The following BRIX1 variants were observed in gnomAD, a reference collection of about 807,000 sequenced individuals.
The protein encoded by BRIX1 is biogenesis of ribosomes BRX1.
A neutral mutation model predicts 44.0 loss-of-function variants in BRIX1; 15 were observed. The ratio of observed to expected loss-of-function variants is 0.34; its 90% CI spans 0.23 to 0.53. BRIX1 has a LOEUF of 0.53. BRIX1 is among the 20% of genes least tolerant of loss of function. The probability of loss-of-function intolerance (pLI) is 0.95; values close to 1 mark genes in which losing one functional copy is unlikely to be tolerated. For synonymous variants in BRIX1, 149 were observed against 135.4 expected, an observed-to-expected ratio of 1.10 and a Z score of -0.70; for missense variants, 420 against 432.8, an observed-to-expected ratio of 0.97 and a Z score of 0.26.
At chr5:34,915,955 G>C in intron 1 of BRIX1, 58 bp downstream of exon 1, 1 of 1,477,908 alleles carries the variant, frequency 6.8e-7, no homozygotes, top group Non-Finnish European at 9.0e-7. Flanking sequence ...GCCTTTTCTT[G>C]GGTTACTTAC....
chr5:34,916,478 T>C (rs1227425936), intron 1 of BRIX1: 1 of 152,168 alleles, frequency 6.6e-6, no homozygotes, highest in African/African-American at 2.4e-5. Flanking sequence ...TAGGCTTCCT[T>C]TGGGTTTGAG....
chr5:34,923,304 A>T, intron 8 of BRIX1, 70 bp downstream of exon 8: 1 of 1,247,874 alleles, frequency 8.0e-7, no homozygotes, highest in Non-Finnish European at 1.2e-6. Flanking sequence ...TTTGAGACAG[A>T]GTCTCGCTCT....
intron 3 of BRIX1, chr5:34,920,867 G>GT (rs1476364000): frequency 2.0e-5 from 3 of 150,258 alleles, no homozygotes; most frequent in Non-Finnish European, 4.4e-5. Flanking sequence ...TTGTTTATTT[G>GT]TTTAACTGGT....
intron 6 of BRIX1, 59 bp from the exon 7 acceptor site, chr5:34,922,942 C>T (rs1234343646): frequency 1.5e-6 from 2 of 1,296,672 alleles, no homozygotes; most frequent in Non-Finnish European, 2.2e-6. Flanking sequence ...AACAAATGAG[C>T]AAACAGTTTT....
chr5:34,925,584 C>G lies in BRIX1; in HGVS notation c.*89C>G. ...ACTTTTATTATCTAATACTATCTTA[C>G]GTCTAATTAGTGTAGCATTTACAAG... On this transcript the variant is annotated 3_prime_UTR_variant, in exon 10 of 10. Coordinates refer to ENST00000336767, the MANE Select transcript of BRIX1 (RefSeq NM_018321.4). 1 of 1,105,616 alleles carries G rather than the reference C, an allele frequency of 9.0e-7. No homozygotes were observed. Among genetic ancestry groups the G allele is most frequent in the Non-Finnish European group, 1.3e-6 (1 of 795,516 alleles). The allele number at this position is 1,105,616 out of a possible 1,614,324, so 68.5% of individuals were successfully genotyped here. A position where few individuals can be genotyped will look rare whatever the true frequency, so the allele number is the denominator to read the frequency against.
rs1374091499 is a variant in BRIX1, at chr5:34,925,347, A to G, written c.914A>G (p.Asp305Gly). 7 of 1,613,938 alleles carry G rather than the reference A, an allele frequency of 4.3e-6. No individual in the cohort carries two copies. The highest frequency in any genetic ancestry group is 2.2e-5 in the East Asian group (1 of 44,876). Residue 305 changes from aspartate to glycine, a missense_variant, in exon 10 of 10, where the codon GAT (aspartate) becomes GGT (glycine). Coordinates refer to ENST00000336767, the MANE Select transcript of BRIX1 (RefSeq NM_018321.4). ...CTTCTTCCACATGATCCCACTGCAG[A>G]TGTTTTTGTAACACCAGCTGAGGAG... ...KTLLPHDPTA[D>G]VFVTPAEEKP...
intron 8 of BRIX1, chr5:34,923,454 T>C (rs888643050): frequency 3.7e-6 from 2 of 534,530 alleles, no homozygotes; most frequent in Non-Finnish European, 6.7e-6. Flanking sequence ...ATTTTTGTAG[T>C]TTTAGTAGAG....
chr5:34,924,947 A>C lies in BRIX1; in HGVS notation c.764A>C (p.Glu255Ala). Residue 255 changes from glutamate (E) to alanine (A), a missense_variant, in exon 9 of 10, where the codon GAA becomes GCA. Coordinates refer to ENST00000336767, the MANE Select transcript of BRIX1 (RefSeq NM_018321.4). ...AGTTTTGGAGGACCAACTTTATATGAAAATCCTCACTACCAGTCACCAAAC... is the reference window on the plus strand; with the variant it reads ...AGTTTTGGAGGACCAACTTTATATGCAAATCCTCACTACCAGTCACCAAAC... ...QGSFGGPTLYENPHYQSPNMH... is the reference protein window; with the variant it reads ...QGSFGGPTLYANPHYQSPNMH... 6.2e-7 allele frequency: 1 copy of C among 1,613,558 alleles called. No individual in the cohort carries two copies. Among genetic ancestry groups the C allele is most frequent in the Non-Finnish European group, 8.5e-7 (1 of 1,179,790 alleles).
chr5:34,915,734 G>T lies in BRIX1; in HGVS notation c.-5G>T. 1.3e-6 allele frequency: 2 copies of T among 1,597,568 alleles called. No homozygotes were observed. The highest frequency in any genetic ancestry group is 2.2e-5 in the South Asian group (2 of 88,922). ...GGAGGCCAAGAGCGCGGGCGGCGAG[G>T]CAAGATGGCGGCAACCAAGAGGAAA... On this transcript the variant is annotated 5_prime_UTR_variant, in exon 1 of 10. Coordinates refer to ENST00000336767, the MANE Select transcript of BRIX1 (RefSeq NM_018321.4).
Position 34,925,483 on chromosome 5 carries a change from GAAAAC to G in BRIX1, c.1055_1059del (p.Thr352IlefsTer33). 1 of 1,609,514 alleles carries G rather than the reference GAAAAC, an allele frequency of 6.2e-7. No homozygotes were observed. Among genetic ancestry groups the G allele is most frequent in the Non-Finnish European group, 8.5e-7 (1 of 1,178,334 alleles). ...AAATGAAACAGAGGATGGACAGTGG[GAAAAC>G]AAAATAAGTCAATGGAAACCTGATT... On this transcript the variant is annotated frameshift_variant, in exon 10 of 10. Transcript: ENST00000336767. LOFTEE classifies it high-confidence loss of function.
chr5:34,915,810 A>T lies in BRIX1; in HGVS notation c.72A>T (p.Ile24=). The change falls in exon 1 of 10, where the codon ATA becomes ATT. Residue 24 remains isoleucine (I), a synonymous_variant. Coordinates refer to ENST00000336767, the MANE Select transcript of BRIX1 (RefSeq NM_018321.4). ...CGAAGAAGCCAAAAAGAAACGAAAT[A>T]GATGCGGAGCCGCCAGCTAAGCGGC... ...VQAKKPKRNE[I]DAEPPAKRHA... The T allele has an allele frequency of 6.3e-7, 1 of 1,582,850 alleles. No individual in the cohort carries two copies. The highest frequency in any genetic ancestry group is 8.6e-7 in the Non-Finnish European group (1 of 1,164,638).
intron 3 of BRIX1, chr5:34,921,597 A>T (rs1044243602): frequency 6.6e-6 from 1 of 152,158 alleles, no homozygotes. Context: ...TAGTTTGTCA[A>T]TGGGACTATG....
At chr5:34,917,533 G>T (rs554323728) in intron 1 of BRIX1, among the ~76,000 whole-genome samples, 118 of 152,000 alleles carry the variant, frequency 7.8e-4, no homozygotes, top group Non-Finnish European at 5.0e-4. Context: ...CCAGCTACTC[G>T]GGAGTCTGAG....
At position 34,922,981 on chromosome 5, in the gene BRIX1, T is replaced by G; in HGVS notation, c.511-20T>G. ...CAAGGCAGTCTACTGTTAAATAATA[T>G]GCTTACCTTATTTTTATAGGCTTTT... On this transcript the variant is annotated intron_variant, in intron 6 of 9. Transcript: ENST00000336767. 3 of 1,487,918 alleles carry G rather than the reference T, an allele frequency of 2.0e-6. No homozygotes were observed. Among genetic ancestry groups the G allele is most frequent in the Non-Finnish European group, 2.8e-6 (3 of 1,070,788 alleles). The allele number at this position is 1,487,918 out of a possible 1,614,324, so 92.2% of individuals were successfully genotyped here.
At position 34,917,363 on chromosome 5, in the gene BRIX1, G is replaced by T. The variant is rs41270661; in HGVS notation, c.160-1001G>T. ...ATTACTTTAAAAATGGTCCAGCGTG[G>T]TGGCTCACGCCTGTAATCCCAGCAC... On this transcript the variant is annotated intron_variant, in intron 1 of 9. Coordinates refer to ENST00000336767, the MANE Select transcript of BRIX1 (RefSeq NM_018321.4). 6.3e-3 allele frequency among the ~76,000 whole-genome samples: 963 copies of T among 152,278 alleles called. 14 individuals carry two copies. Among genetic ancestry groups the T allele is most frequent in the African/African-American group, 0.022 (933 of 41,556 alleles).
Position 34,925,338 on chromosome 5 carries a change from C to A in BRIX1, c.905C>A (p.Pro302His). 1 of 1,613,842 alleles carries A rather than the reference C, an allele frequency of 6.2e-7. No individual in the cohort carries two copies. The highest frequency in any genetic ancestry group is 8.5e-7 in the Non-Finnish European group (1 of 1,179,976). ...CCGAAGACTCTTCTTCCACATGATCCCACTGCAGATGTTTTTGTAACACCA... is the reference window on the plus strand; with the variant it reads ...CCGAAGACTCTTCTTCCACATGATCACACTGCAGATGTTTTTGTAACACCA... ...KEPKTLLPHD[P>H]TADVFVTPAE... Residue 302 changes from proline to histidine, a missense_variant, in exon 10 of 10, where the codon CCC becomes CAC. Pro to His is a moderately conservative substitution (Grantham distance 77). Transcript: ENST00000336767.
intron 2 of BRIX1, 117 bp from the exon 3 acceptor site, chr5:34,919,723 C>G (rs1398798121): frequency 5.2e-6 from 2 of 381,198 alleles, no homozygotes; most frequent in Non-Finnish European, 9.8e-6. Context: ...AATAAAATCT[C>G]CTTTAAACTG....
chr5:34,922,117 A>C (rs1764252156), intron 3 of BRIX1, 100 bp from the exon 4 acceptor site: 1 of 618,264 alleles, frequency 1.6e-6, no homozygotes, highest in Non-Finnish European at 2.8e-6. Flanking sequence ...TAGCCTGGTT[A>C]GGTATTTTTG....
At position 34,925,671 on chromosome 5, in the gene BRIX1, TTCA is replaced by T. The variant is rs1164795984; in HGVS notation, c.*180_*182del. ...TTTTCTAAATAAAATATCACCAGAA[TTCA>T]TCAGTTAATTTCTGATTTCTTTTTG... is the stretch of plus-strand genomic sequence containing the variant. On this transcript the variant is annotated 3_prime_UTR_variant, in exon 10 of 10. Transcript: ENST00000336767. 3 of 556,612 alleles carry T rather than the reference TTCA, an allele frequency of 5.4e-6. No individual in the cohort carries two copies. The African/African-American group carries it at 5.8e-5, about 11-fold the overall frequency. The allele number at this position is 556,612 out of a possible 1,614,324, so 34.5% of individuals were successfully genotyped here.
Sources: gnomAD v4.1 joint callset for allele counts (sites outside exome capture counted in the v4.1 genomes callset) on GRCh38, gnomAD v4.1.1 for gene constraint, MANE v1.5 for transcripts, NCBI Gene and HGNC (gene_info 2026-07-23, HGNC 2026-07-21) for gene names.